EDIL3: variants seen among roughly 807,000 people sequenced by gnomAD.
EDIL3 encodes EGF like and discoidin domains 3.
Under a neutral mutation model 67.4 loss-of-function variants are expected in EDIL3, and 37 were observed. That is an observed-to-expected ratio of 0.55 (90% CI 0.42 to 0.72). EDIL3 has a LOEUF of 0.72. EDIL3 is among the 30% of genes least tolerant of loss of function. The pLI, the probability that EDIL3 is intolerant of heterozygous loss-of-function variation, is 0.00. For synonymous variants in EDIL3, 195 were observed against 196.3 expected (o/e 0.99, Z 0.05); for missense variants, 527 against 586.3 (o/e 0.90, Z 1.04).
intron 4 of EDIL3, among the ~76,000 whole-genome samples, chr5:84,177,729 A>C (rs983858498): frequency 2.0e-5 from 3 of 152,092 alleles, no homozygotes; most frequent in Non-Finnish European, 4.4e-5. Flanking sequence ...AACTGCTGTA[A>C]AAATTAAGTC....
intron 1 of EDIL3, among the ~76,000 whole-genome samples, chr5:84,345,969 A>T (rs1747229538): frequency 6.6e-6 from 1 of 151,996 alleles, no homozygotes; most frequent in African/African-American, 2.4e-5. Context: ...AGTCAAGAAA[A>T]CTGCTTACCG....
intron 1 of EDIL3, among the ~76,000 whole-genome samples, chr5:84,307,848 G>A (rs1362466879): frequency 6.6e-6 from 1 of 152,030 alleles, no homozygotes; most frequent in African/African-American, 2.4e-5. Context: ...AGAAGAATAT[G>A]AATTAGAAGG....
intron 4 of EDIL3, among the ~76,000 whole-genome samples, chr5:84,169,357 T>G (rs1029635752): frequency 2.0e-5 from 3 of 152,100 alleles, no homozygotes; most frequent in Non-Finnish European, 4.4e-5. Context: ...ACCAAAATAT[T>G]GACATTACTA....
At chr5:84,111,017 G>A (rs888710959) in intron 5 of EDIL3, among the ~76,000 whole-genome samples, 4 of 152,048 alleles carry the variant, frequency 2.6e-5, no homozygotes, top group African/African-American at 4.8e-5. Flanking sequence ...TCATGGGGAC[G>A]GGCTTCCTCT....
intron 9 of EDIL3, among the ~76,000 whole-genome samples, chr5:84,035,723 C>T (rs1746010265): frequency 6.6e-6 from 1 of 152,124 alleles, no homozygotes; most frequent in African/African-American, 2.4e-5. Context: ...TATTTTTTAA[C>T]TCAATCTTCC....
At chr5:84,292,346 GAT>G (rs1745940872) in intron 1 of EDIL3, among the ~76,000 whole-genome samples, 1 of 151,994 alleles carries the variant, frequency 6.6e-6, no homozygotes, top group Non-Finnish European at 1.5e-5. Flanking sequence ...TTCTGAATAA[GAT>G]ATTAAAAGGC....
intron 1 of EDIL3, among the ~76,000 whole-genome samples, chr5:84,355,369 A>G (rs903311423): frequency 1.3e-5 from 2 of 151,972 alleles, no homozygotes; most frequent in African/African-American, 4.8e-5. Context: ...TGGTTATTCT[A>G]GTTAGCAATT....
chr5:83,988,990 C>T (rs1745103846), intron 9 of EDIL3, among the ~76,000 whole-genome samples: 1 of 152,042 alleles, frequency 6.6e-6, no homozygotes, highest in Non-Finnish European at 1.5e-5. Context: ...TATTTTTACA[C>T]CATTGAAAGA....
intron 1 of EDIL3, among the ~76,000 whole-genome samples, chr5:84,343,447 A>G (rs1365855130): frequency 1.3e-5 from 2 of 152,094 alleles, no homozygotes; most frequent in Non-Finnish European, 2.9e-5. Context: ...CTTTGTCAGT[A>G]ATGAATTGCC....
chr5:84,243,579 A>G (rs1744841010), intron 2 of EDIL3, among the ~76,000 whole-genome samples: 1 of 152,232 alleles, frequency 6.6e-6, no homozygotes, highest in African/African-American at 2.4e-5. Context: ...ATGAAACCTT[A>G]GCAGATAAAG....
At chr5:84,178,934 A>C (rs1748968689) in intron 4 of EDIL3, among the ~76,000 whole-genome samples, 1 of 152,192 alleles carries the variant, frequency 6.6e-6, no homozygotes, top group Non-Finnish European at 1.5e-5. Flanking sequence ...AAATTCAACA[A>C]AATTATATTA....
At chr5:84,202,024 G>T (rs1421362766) in intron 3 of EDIL3, among the ~76,000 whole-genome samples, 2 of 152,188 alleles carry the variant, frequency 1.3e-5, no homozygotes, top group Non-Finnish European at 2.9e-5. Flanking sequence ...CAGTGTGCTA[G>T]TCTAGTCATT....
chr5:84,178,130 C>T (rs910618929), intron 4 of EDIL3, among the ~76,000 whole-genome samples: 2 of 152,052 alleles, frequency 1.3e-5, no homozygotes, highest in Non-Finnish European at 2.9e-5. Flanking sequence ...TGTAACTGAA[C>T]GTGATAGTTG....
chr5:84,104,663 G>A (rs370645490), intron 6 of EDIL3, among the ~76,000 whole-genome samples: 1 of 151,874 alleles, frequency 6.6e-6, no homozygotes, highest in Non-Finnish European at 1.5e-5. Flanking sequence ...AGTAAAATAA[G>A]TTTTAACTAT....
intron 6 of EDIL3, among the ~76,000 whole-genome samples, chr5:84,067,485 T>C (rs988606052): frequency 1.3e-5 from 2 of 152,314 alleles, no homozygotes; most frequent in East Asian, 3.9e-4. Flanking sequence ...TATAAAATCT[T>C]TTAAATGTTC....
At chr5:84,290,422 T>C (rs1447966786) in intron 1 of EDIL3, among the ~76,000 whole-genome samples, 1 of 152,132 alleles carries the variant, frequency 6.6e-6, no homozygotes, top group Non-Finnish European at 1.5e-5. Context: ...CATCTAGACA[T>C]ACGTCATCTC....
chr5:83,967,264 C>G lies in EDIL3; in HGVS notation c.1138-3904G>C, dbSNP rs576327362. Reference sequence around the variant, plus strand: ...TGAGCCTGGGAGGTGGAGGTTTCAGCAAGCTGAGACTGTGCCACTGTACTC... The same window carrying G: ...TGAGCCTGGGAGGTGGAGGTTTCAGGAAGCTGAGACTGTGCCACTGTACTC... On this transcript the variant is annotated intron_variant, in intron 9 of 10. Transcript: ENST00000296591. Among the ~76,000 whole-genome samples the G allele has an allele frequency of 2.2e-3, 337 of 152,104 alleles. 1 individual carries two copies. The highest frequency in any genetic ancestry group is 7.4e-3 in the African/African-American group (308 of 41,524).
At chr5:84,363,682 T>C (rs927713345) in intron 1 of EDIL3, among the ~76,000 whole-genome samples, 4 of 152,088 alleles carry the variant, frequency 2.6e-5, no homozygotes, top group African/African-American at 7.2e-5. Context: ...CACAGAAACA[T>C]AGCAAGAGGT....
intron 8 of EDIL3, among the ~76,000 whole-genome samples, chr5:84,061,503 G>A (rs969762351): frequency 2.6e-5 from 4 of 152,084 alleles, no homozygotes; most frequent in Admixed American, 1.3e-4. Context: ...CACAAGGTAA[G>A]TTTGATCATC....
Sources: allele counts gnomAD v4.1 joint callset (sites outside exome capture counted in the v4.1 genomes callset), GRCh38; gene constraint gnomAD v4.1.1; transcripts MANE v1.5; gene names NCBI Gene and HGNC (gene_info 2026-07-23, HGNC 2026-07-21).